RAPGEF2: variants seen among roughly 807,000 people sequenced by gnomAD.
RAPGEF2 encodes PDZ domain containing guanine nucleotide exchange factor (GEF) 1.
In RAPGEF2, 54 loss-of-function variants were observed where a neutral mutation model predicts 186.7. The observed-to-expected ratio is 0.29, with a 90% CI of 0.23 to 0.36. The LOEUF (loss-of-function observed/expected upper bound fraction) is 0.36. Among genes scored for constraint, RAPGEF2 ranks in the 10% least tolerant of loss-of-function variants. The pLI, the probability that RAPGEF2 is intolerant of heterozygous loss-of-function variation, is 1.00. For missense variants in RAPGEF2, 1,532 were observed against 2,045.0 expected (o/e 0.75, Z 4.84); for synonymous variants, 712 against 705.9 (o/e 1.01, Z -0.14).
At chr4:159,312,873 C>T (rs183295068) in intron 8 of RAPGEF2, among the ~76,000 whole-genome samples, 7 of 152,244 alleles carry the variant, frequency 4.6e-5, no homozygotes, top group African/African-American at 1.2e-4. Flanking sequence ...ACAGGCTGGG[C>T]GTGGTGGCTC....
At chr4:159,219,607 A>G (rs903209384) in intron 4 of RAPGEF2, among the ~76,000 whole-genome samples, 5 of 152,162 alleles carry the variant, frequency 3.3e-5, no homozygotes, top group Non-Finnish European at 7.3e-5. Flanking sequence ...TGCCTGCCTC[A>G]GCCTCCCAAA....
rs1561074172 is a variant in RAPGEF2, at chr4:159,198,248, CT to C, written c.197+4995del. The stretch of plus-strand genomic sequence containing the variant: ...TTTATTTTCTTTTCTTTCTTTCTTC[CT>C]TTCTTTCTTTCTCTTTCTTTCCTTC... On this transcript the variant is annotated intron_variant, in intron 3 of 29. Coordinates refer to ENST00000691494, the MANE Select transcript of RAPGEF2 (RefSeq NM_001394067.2). Among the ~76,000 whole-genome samples, 614 of 115,324 alleles carry C rather than the reference CT, an allele frequency of 5.3e-3. 11 individuals carry two copies. Among genetic ancestry groups the C allele is most frequent in the African/African-American group, 0.018 (506 of 28,564 alleles). The allele number at this position is 115,324 out of a possible 152,430, so 75.7% of individuals were successfully genotyped here.
intron 1 of RAPGEF2, among the ~76,000 whole-genome samples, chr4:159,156,975 G>T (rs1027334143): frequency 1.3e-5 from 2 of 152,164 alleles, no homozygotes; most frequent in Admixed American, 6.5e-5. Flanking sequence ...CCAATTTACA[G>T]CTAAAGAGGG....
chr4:159,198,312 T>TTC lies in RAPGEF2; in HGVS notation c.197+5058_197+5059dup, dbSNP rs760585502. Among the ~76,000 whole-genome samples the TTC allele has an allele frequency of 3.0e-3, 184 of 62,112 alleles. 5 individuals carry two copies. Among genetic ancestry groups the TTC allele is most frequent in the African/African-American group, 0.021 (165 of 7,704 alleles). 40.7% of individuals were successfully genotyped at this position (62,112 alleles called of 152,430 possible). ...TTTCTTTCTTTCTTTCTTTCTTTCT[T>TTC]TCTTTCTTTCTTTCTTTCTTTCTTT... On this transcript the variant is annotated intron_variant, in intron 3 of 29. Transcript: ENST00000691494.
chr4:159,275,184 G>A (rs1758693815), intron 7 of RAPGEF2, among the ~76,000 whole-genome samples: 1 of 150,308 alleles, frequency 6.7e-6, no homozygotes, highest in South Asian at 2.1e-4. Flanking sequence ...TATTTCTTTT[G>A]TACTCTGAAG....
intron 7 of RAPGEF2, among the ~76,000 whole-genome samples, chr4:159,295,184 A>T (rs961166412): frequency 6.6e-6 from 1 of 152,222 alleles, no homozygotes; most frequent in Non-Finnish European, 1.5e-5. Context: ...TTTAAAATAG[A>T]TGAAATACTA....
chr4:159,224,489 G>T (rs916104647), intron 4 of RAPGEF2, among the ~76,000 whole-genome samples: 2 of 152,186 alleles, frequency 1.3e-5, no homozygotes, highest in Non-Finnish European at 2.9e-5. Context: ...GACTTTCAAA[G>T]TAATTGCCCA....
intron 1 of RAPGEF2, among the ~76,000 whole-genome samples, chr4:159,135,791 G>C (rs990766828): frequency 6.6e-6 from 1 of 152,142 alleles, no homozygotes; most frequent in Admixed American, 6.5e-5. Context: ...GAGAGATGGG[G>C]TTTCACCATG....
At chr4:159,175,296 A>T (rs1746345440) in intron 1 of RAPGEF2, among the ~76,000 whole-genome samples, 1 of 150,814 alleles carries the variant, frequency 6.6e-6, no homozygotes, top group Admixed American at 6.6e-5. Context: ...TAAAATAATA[A>T]TTTTTTTTTT....
Position 159,343,383 on chromosome 4 carries a change from C to T in RAPGEF2, c.3233C>T (p.Pro1078Leu). 10 of 1,614,018 alleles carry T rather than the reference C, an allele frequency of 6.2e-6. No homozygotes were observed. The highest frequency in any genetic ancestry group is 6.8e-6 in the Non-Finnish European group (8 of 1,179,920). ...CGAATGGCTTCAGTGAACATGGACC[C>T]TGCCCTCATGTTCAGGACTCGGTGA... is the stretch of plus-strand genomic sequence containing the variant. ...VGRMASVNMD[P>L]ALMFRTRKKK... Residue 1078 changes from proline to leucine, a missense_variant, in exon 22 of 30, where the codon CCT becomes CTT. Transcript: ENST00000691494.
At chr4:159,252,706 A>G (rs1348518100) in intron 7 of RAPGEF2, among the ~76,000 whole-genome samples, 3 of 152,214 alleles carry the variant, frequency 2.0e-5, no homozygotes, top group African/African-American at 7.2e-5. Flanking sequence ...AGGAAATCTA[A>G]GGACAGTTGA....
intron 20 of RAPGEF2, among the ~76,000 whole-genome samples, chr4:159,342,722 C>T (rs10084914): frequency 0.23 from 34,689 of 151,604 alleles, 5,957 homozygotes; most frequent in African/African-American, 0.48. Flanking sequence ...TCAATACTTA[C>T]ATTCAGGTGG....
At chr4:159,208,467 G>A (rs1750187814) in intron 3 of RAPGEF2, among the ~76,000 whole-genome samples, 1 of 152,070 alleles carries the variant, frequency 6.6e-6, no homozygotes, top group Non-Finnish European at 1.5e-5. Context: ...GCTGGAGTGT[G>A]GATGTGGTGG....
chr4:159,154,780 T>C (rs1431351428), intron 1 of RAPGEF2, among the ~76,000 whole-genome samples: 3 of 152,172 alleles, frequency 2.0e-5, no homozygotes, highest in Admixed American at 6.5e-5. Context: ...GATTTGATTC[T>C]GGATCTCAGT....
chr4:159,192,158 C>T (rs1309705033), intron 2 of RAPGEF2, among the ~76,000 whole-genome samples: 1 of 152,174 alleles, frequency 6.6e-6, no homozygotes, highest in Non-Finnish European at 1.5e-5. Context: ...AACTTGGCAA[C>T]TCATTGAAGA....
At position 159,339,176 on chromosome 4, in the gene RAPGEF2, A is replaced by T; in HGVS notation, c.2356A>T (p.Ser786Cys). 6.2e-7 allele frequency: 1 copy of T among 1,614,194 alleles called. No individual in the cohort carries two copies. The highest frequency in any genetic ancestry group is 1.7e-5 in the Admixed American group (1 of 60,028). ...ADQQSRYIMI[S>C]KDTTAKEVVI... ...TCAGCAAAGCCGCTACATCATGATC[A>T]GTAAGGACACTACAGCAAAGGAAGT... Residue 786 changes from serine (S) to cysteine (C), a missense_variant, in exon 19 of 30, where the codon AGT becomes TGT. Ser to Cys is a moderately radical substitution (Grantham distance 112). Around this residue, in one of 4 missense-constraint regions of RAPGEF2, gnomAD observed 810 missense variants for 1,210.5 expected, o/e 0.67. Transcript: ENST00000691494.
chr4:159,174,172 A>T (rs1746207054), intron 1 of RAPGEF2, among the ~76,000 whole-genome samples: 1 of 152,224 alleles, frequency 6.6e-6, no homozygotes, highest in South Asian at 2.1e-4. Flanking sequence ...AAACTTGCTT[A>T]CGGGATCATT....
intron 2 of RAPGEF2, among the ~76,000 whole-genome samples, chr4:159,188,465 A>G (rs1050728793): frequency 6.6e-6 from 1 of 152,056 alleles, no homozygotes; most frequent in Admixed American, 6.6e-5. Context: ...GGAGTTCAAC[A>G]CTAGCCTGGC....
At chr4:159,264,057 A>C (rs1300560676) in intron 7 of RAPGEF2, among the ~76,000 whole-genome samples, 1 of 152,168 alleles carries the variant, frequency 6.6e-6, no homozygotes, top group Admixed American at 6.5e-5. Context: ...ATTAGAGTGA[A>C]CTTCAAGGTA....
Sources: allele counts gnomAD v4.1 joint callset (sites outside exome capture counted in the v4.1 genomes callset), GRCh38; gene constraint gnomAD v4.1.1; regional missense constraint gnomAD v4.1.1; transcripts MANE v1.5; gene names NCBI Gene and HGNC (gene_info 2026-07-23, HGNC 2026-07-21).